AGMO: variants seen among roughly 807,000 people sequenced by gnomAD.
AGMO encodes glyceryl-ether monooxygenase.
A neutral mutation model predicts 60.2 loss-of-function variants in AGMO; 75 were observed. The observed-to-expected ratio is 1.25, with a 90% CI of 1.03 to 1.51. AGMO has a LOEUF of 1.51. Ranked by LOEUF, AGMO falls within the 40% of genes most tolerant of loss-of-function variation. The pLI, the probability that AGMO is intolerant of heterozygous loss-of-function variation, is 0.00. For missense variants in AGMO, 763 were observed against 525.5 expected, an observed-to-expected ratio of 1.45 and a Z score of -4.42; for synonymous variants, 261 against 177.1, an observed-to-expected ratio of 1.47 and a Z score of -3.76.
the AGMO span, among the ~76,000 whole-genome samples, chr7:15,125,445 TA>T: frequency 6.6e-6 from 1 of 152,094 alleles, no homozygotes; most frequent in Non-Finnish European, 1.5e-5. Flanking sequence ...CTGATTTTGA[TA>T]TAAAAATCAT....
chr7:15,519,839 C>A (rs573295075), intron 3 of AGMO, among the ~76,000 whole-genome samples: 1 of 151,770 alleles, frequency 6.6e-6, no homozygotes, highest in South Asian at 2.1e-4. Flanking sequence ...AACAAATGCC[C>A]CAATTAAAAG....
intron 12 of AGMO, among the ~76,000 whole-genome samples, chr7:15,261,464 T>A (rs1030259398): frequency 1.3e-5 from 2 of 151,944 alleles, no homozygotes; most frequent in African/African-American, 4.8e-5. Flanking sequence ...AGATATAGTA[T>A]CTCTGAACCG....
chr7:15,520,496 G>GTC (rs1783950117), intron 3 of AGMO, among the ~76,000 whole-genome samples: 1 of 152,142 alleles, frequency 6.6e-6, no homozygotes. Context: ...ATAACAAACA[G>GTC]TCTCTCAGAC....
intron 3 of AGMO, among the ~76,000 whole-genome samples, chr7:15,537,937 C>A (rs952171522): frequency 6.6e-6 from 1 of 151,882 alleles, no homozygotes; most frequent in African/African-American, 2.4e-5. Flanking sequence ...CTTCAACGGA[C>A]AAATGTTTAA....
chr7:15,433,180 C>G (rs902206905), intron 3 of AGMO, among the ~76,000 whole-genome samples: 1 of 152,096 alleles, frequency 6.6e-6, no homozygotes, highest in Non-Finnish European at 1.5e-5. Context: ...ATGAGCTAAT[C>G]AGATGAGGTT....
chr7:15,486,215 C>T (rs1410651211), intron 3 of AGMO, among the ~76,000 whole-genome samples: 2 of 152,134 alleles, frequency 1.3e-5, no homozygotes, highest in Admixed American at 6.6e-5. Context: ...CTAGCTCTAT[C>T]AGCAAGCTCA....
chr7:15,354,419 TATACAC>T (rs1197182947), intron 12 of AGMO, among the ~76,000 whole-genome samples: 1 of 14,044 alleles, frequency 7.1e-5, no homozygotes, highest in Non-Finnish European at 1.1e-4. Context: ...CACGTGTGTG[TATACAC>T]ACACGTGTGT....
At chr7:15,422,898 TCA>T (rs1211976996) in intron 4 of AGMO, among the ~76,000 whole-genome samples, 1 of 152,128 alleles carries the variant, frequency 6.6e-6, no homozygotes, top group African/African-American at 2.4e-5. Context: ...AGACTGTGCT[TCA>T]CAGAGTCATG....
rs185955982 is a variant in AGMO at position 15,276,249 on chromosome 7, T to C, written c.1264-74890A>G. On this transcript the variant is annotated intron_variant, in intron 12 of 12. Transcript: ENST00000342526. ...TAGTGGTGACAAATACCCTTAGCATTTGTTTGTCTGGGACAGACTATTTCT... is the reference window on the plus strand; with the variant it reads ...TAGTGGTGACAAATACCCTTAGCATCTGTTTGTCTGGGACAGACTATTTCT... 3.3e-4 allele frequency among the ~76,000 whole-genome samples: 51 copies of C among 152,318 alleles called. 1 individual carries two copies. Among genetic ancestry groups the C allele is most frequent in the African/African-American group, 9.6e-4 (40 of 41,576 alleles).
At chr7:15,320,608 T>C (rs535537686) in intron 12 of AGMO, among the ~76,000 whole-genome samples, 81 of 152,288 alleles carry the variant, frequency 5.3e-4, no homozygotes, top group Admixed American at 4.7e-3. Flanking sequence ...TAAGAGTTTA[T>C]TTTCTAAATG....
At chr7:15,142,153 A>ACC in the AGMO span, among the ~76,000 whole-genome samples, 1 of 152,224 alleles carries the variant, frequency 6.6e-6, no homozygotes, top group Non-Finnish European at 1.5e-5. Context: ...GCTAATAATG[A>ACC]CATTGTTCCC....
chr7:15,194,017 C>G, the AGMO span, among the ~76,000 whole-genome samples: 1 of 152,086 alleles, frequency 6.6e-6, no homozygotes, highest in Non-Finnish European at 1.5e-5. Flanking sequence ...AATTTTTCTG[C>G]TAACAATCAA....
chr7:15,173,640 A>C, the AGMO span, among the ~76,000 whole-genome samples: 81,930 of 151,774 alleles, frequency 0.54, 23,345 homozygotes, highest in East Asian at 0.94. Context: ...CTATATTGTA[A>C]TGTTATACAT....
intron 3 of AGMO, among the ~76,000 whole-genome samples, chr7:15,455,633 T>C (rs1781981948): frequency 1.3e-5 from 2 of 152,122 alleles, no homozygotes; most frequent in Non-Finnish European, 2.9e-5. Flanking sequence ...TCTGAAAATA[T>C]GTTTATTCTA....
chr7:15,136,882 C>T, the AGMO span, among the ~76,000 whole-genome samples: 1 of 152,108 alleles, frequency 6.6e-6, no homozygotes, highest in South Asian at 2.1e-4. Context: ...ATGTGCTATA[C>T]AGGTGTTCCA....
intron 12 of AGMO, among the ~76,000 whole-genome samples, chr7:15,307,243 G>A (rs1286103692): frequency 2.6e-5 from 4 of 151,918 alleles, no homozygotes; most frequent in South Asian, 2.1e-4. Context: ...GCCATAAAAC[G>A]TGGGAATCCT....
chr7:15,384,036 C>G lies in AGMO; in HGVS notation c.1074+1410G>C, dbSNP rs62449264. Among the ~76,000 whole-genome samples the G allele has an allele frequency of 1.2e-3, 179 of 152,084 alleles. 1 individual carries two copies. The highest frequency in any genetic ancestry group is 4.2e-3 in the African/African-American group (175 of 41,500). The stretch of plus-strand genomic sequence containing the variant: ...CTGCAAGCTCTGCCTCCCAGGTTCA[C>G]GTCATTCTTCTGCCTCAGCCTCCTG... On this transcript the variant is annotated intron_variant, in intron 10 of 12. Coordinates refer to ENST00000342526, the MANE Select transcript of AGMO (RefSeq NM_001004320.2).
rs566695266 is a variant in AGMO at position 15,335,562 on chromosome 7, G to A, written c.1263+29952C>T. On this transcript the variant is annotated intron_variant, in intron 12 of 12. Transcript: ENST00000342526. Reference sequence around the variant, plus strand: ...TTACTTGGATAGAAATCCGTCACCTGGAATAGAAATCATGGTAAACCTGCC... The same window carrying A: ...TTACTTGGATAGAAATCCGTCACCTAGAATAGAAATCATGGTAAACCTGCC... 2.6e-5 allele frequency among the ~76,000 whole-genome samples: 4 copies of A among 152,216 alleles called. No homozygotes were observed. In the South Asian group the frequency reaches 8.3e-4, roughly 32 times the overall value.
intron 12 of AGMO, among the ~76,000 whole-genome samples, chr7:15,331,907 C>G (rs1182548902): frequency 1.3e-5 from 2 of 149,398 alleles, no homozygotes; most frequent in African/African-American, 5.0e-5. Flanking sequence ...GCTTGGACAA[C>G]AAGAGTAAAA....
Sources: gnomAD v4.1 joint callset for allele counts (sites outside exome capture counted in the v4.1 genomes callset) on GRCh38, gnomAD v4.1.1 for gene constraint, MANE v1.5 for transcripts, NCBI Gene and HGNC (gene_info 2026-07-23, HGNC 2026-07-21) for gene names.